FAM110B: variants seen among roughly 807,000 people sequenced by gnomAD.
FAM110B encodes the protein family with sequence similarity 110 member B, also known as protein FAM110B.
A neutral mutation model predicts 20.4 loss-of-function variants in FAM110B; 6 were observed. The ratio of observed to expected loss-of-function variants is 0.29; its 90% CI spans 0.16 to 0.58. The LOEUF is 0.58. FAM110B is among the 20% of genes least tolerant of loss of function. The probability of loss-of-function intolerance (pLI) is 0.90; values close to 1 mark genes in which losing one functional copy is unlikely to be tolerated. For missense variants in FAM110B, 434 were observed against 498.2 expected (o/e 0.87, Z 1.23); for synonymous variants, 226 against 214.1 (o/e 1.06, Z -0.49).
At chr8:58,113,014 C>T (rs887197422) in intron 3 of FAM110B, among the ~76,000 whole-genome samples, 1 of 152,180 alleles carries the variant, frequency 6.6e-6, no homozygotes, top group East Asian at 1.9e-4. Flanking sequence ...GACATCTTTT[C>T]ACTGCGTCCT....
intron 3 of FAM110B, among the ~76,000 whole-genome samples, chr8:58,136,583 A>G (rs1449669015): frequency 6.6e-6 from 1 of 152,144 alleles, no homozygotes; most frequent in Non-Finnish European, 1.5e-5. Flanking sequence ...ATTTTCATCA[A>G]GCAAGTCATT....
intron 2 of FAM110B, among the ~76,000 whole-genome samples, chr8:58,033,299 C>T (rs149948675): frequency 2.6e-5 from 4 of 152,172 alleles, no homozygotes; most frequent in African/African-American, 9.6e-5. Flanking sequence ...TCCAGTCCAC[C>T]ATTGATGTAC....
chr8:58,134,185 T>C (rs1455621137), intron 3 of FAM110B, among the ~76,000 whole-genome samples: 3 of 152,248 alleles, frequency 2.0e-5, no homozygotes, highest in Non-Finnish European at 4.4e-5. Flanking sequence ...ACAACTGCTA[T>C]ACAAAGAACT....
chr8:58,006,795 G>A (rs1804412347), intron 1 of FAM110B, among the ~76,000 whole-genome samples: 1 of 150,432 alleles, frequency 6.6e-6, no homozygotes, highest in Non-Finnish European at 1.5e-5. Context: ...TAGTGACAAG[G>A]TTTCTGCATC....
rs1343555443 is a variant in FAM110B at position 58,084,809 on chromosome 8, A to G, written c.-325+9186A>G. Among the ~76,000 whole-genome samples the G allele has an allele frequency of 2.6e-5, 4 of 152,154 alleles. 1 individual carries two copies. In the East Asian group the frequency reaches 7.7e-4, roughly 29 times the overall value. ...CACTCTTTACCTATTCATGGGGATT[A>G]TGTCCCTAGAGGCTGCTGTCAGGTG... On this transcript the variant is annotated intron_variant, in intron 3 of 3. Transcript: ENST00000519262.
intron 1 of FAM110B, among the ~76,000 whole-genome samples, chr8:57,999,763 G>A (rs543504763): frequency 5.9e-5 from 9 of 152,182 alleles, no homozygotes; most frequent in Admixed American, 1.3e-4. Context: ...AATGAAAAGC[G>A]AATTTAAGGC....
At chr8:58,015,029 T>G (rs1253250602) in intron 1 of FAM110B, among the ~76,000 whole-genome samples, 1 of 152,206 alleles carries the variant, frequency 6.6e-6, no homozygotes, top group Admixed American at 6.5e-5. Flanking sequence ...ATGTTCTTCT[T>G]TATGCTCAGA....
At position 58,106,208 on chromosome 8, in the gene FAM110B, C is replaced by G. The variant is rs566653168; in HGVS notation, c.-325+30585C>G. 3 of 152,274 alleles carry G rather than the reference C, an allele frequency of 2.0e-5. No individual in the cohort carries two copies. In the East Asian group the frequency reaches 5.8e-4, roughly 29 times the overall value. The allele number at this position is 152,274 out of a possible 1,614,324, so 9.4% of individuals were successfully genotyped here. A position where few individuals can be genotyped will look rare whatever the true frequency, so the allele number is the denominator to read the frequency against. Reference sequence around the variant, plus strand: ...CTGTAATTAAATAAAGTGCAAACCTCATAGTTAGGTCTTCATTCCCCAAAT... The same window carrying G: ...CTGTAATTAAATAAAGTGCAAACCTGATAGTTAGGTCTTCATTCCCCAAAT... On this transcript the variant is annotated intron_variant, in intron 3 of 3. Transcript: ENST00000519262.
At chr8:58,014,369 A>T (rs1804597952) in intron 1 of FAM110B, among the ~76,000 whole-genome samples, 1 of 152,118 alleles carries the variant, frequency 6.6e-6, no homozygotes, top group South Asian at 2.1e-4. Flanking sequence ...GTTGCTCCAG[A>T]GTTTCTTATT....
At chr8:58,094,044 CTGTT>C (rs532080326) in intron 3 of FAM110B, among the ~76,000 whole-genome samples, 37 of 152,252 alleles carry the variant, frequency 2.4e-4, no homozygotes, top group African/African-American at 8.4e-4. Context: ...ATTTGGCTCT[CTGTT>C]TGTCTATTAT....
intron 3 of FAM110B, among the ~76,000 whole-genome samples, chr8:58,099,422 C>T (rs576756348): frequency 6.0e-4 from 92 of 152,090 alleles, no homozygotes; most frequent in South Asian, 4.4e-3. Flanking sequence ...ACTCAACCTG[C>T]ATTTAATTAT....
intron 2 of FAM110B, among the ~76,000 whole-genome samples, chr8:58,073,644 C>G (rs74636590): frequency 0.052 from 7,924 of 152,184 alleles, 696 homozygotes; most frequent in African/African-American, 0.18. Context: ...AGATAAATCA[C>G]CAAACACTTT....
intron 1 of FAM110B, among the ~76,000 whole-genome samples, chr8:58,010,189 T>TG (rs1334304654): frequency 1.3e-5 from 2 of 151,880 alleles, no homozygotes; most frequent in Admixed American, 6.6e-5. Context: ...GCTAGTTTTT[T>TG]TTTTTTTTTT....
chr8:58,008,508 C>T (rs912709954), intron 1 of FAM110B, among the ~76,000 whole-genome samples: 2 of 152,130 alleles, frequency 1.3e-5, no homozygotes, highest in African/African-American at 4.8e-5. Context: ...GGTATTTGGA[C>T]ACATGTATCT....
At chr8:58,072,412 G>A (rs550450919) in intron 2 of FAM110B, among the ~76,000 whole-genome samples, 4 of 152,208 alleles carry the variant, frequency 2.6e-5, no homozygotes, top group East Asian at 3.9e-4. Context: ...GTAATGCAAC[G>A]GTATTATGAT....
chr8:58,090,052 C>T (rs1806435384), intron 3 of FAM110B, among the ~76,000 whole-genome samples: 1 of 152,350 alleles, frequency 6.6e-6, no homozygotes, highest in East Asian at 1.9e-4. Flanking sequence ...CTCTCTTCCT[C>T]TTCCTCCTCC....
chr8:58,010,830 A>G (rs981471186), intron 1 of FAM110B, among the ~76,000 whole-genome samples: 1 of 152,194 alleles, frequency 6.6e-6, no homozygotes, highest in Non-Finnish European at 1.5e-5. Context: ...TTAATTGTTC[A>G]TATCTCACAA....
intron 2 of FAM110B, among the ~76,000 whole-genome samples, chr8:58,040,539 G>A (rs148266621): frequency 1.4e-3 from 215 of 152,226 alleles, no homozygotes; most frequent in African/African-American, 5.0e-3. Flanking sequence ...ACTAACCCAG[G>A]CAGCAGTGGC....
intron 2 of FAM110B, among the ~76,000 whole-genome samples, chr8:58,037,639 TA>T (rs964538735): frequency 1.4e-4 from 21 of 146,630 alleles, no homozygotes; most frequent in Non-Finnish European, 1.8e-4. Context: ...TCTGTCTCTT[TA>T]AAAAAAAAAA....
Sources: gnomAD v4.1 joint callset for allele counts (sites outside exome capture counted in the v4.1 genomes callset) on GRCh38, gnomAD v4.1.1 for gene constraint, MANE v1.5 for transcripts, NCBI Gene and HGNC (gene_info 2026-07-23, HGNC 2026-07-21) for gene names.